SEMA6A: variants seen among roughly 807,000 people sequenced by gnomAD.
SEMA6A encodes semaphorin-6A.
In SEMA6A, 25 loss-of-function variants were observed where a neutral mutation model predicts 96.8. The observed-to-expected ratio is 0.26, with a 90% confidence interval of 0.19 to 0.36. The LOEUF (loss-of-function observed/expected upper bound fraction) is 0.36. Among genes scored for constraint, SEMA6A ranks in the 10% least tolerant of loss-of-function variants. The pLI, the probability that SEMA6A is intolerant of heterozygous loss-of-function variation, is 1.00. For missense variants in SEMA6A, 1,363 were observed against 1,323.1 expected (o/e 1.03, Z -0.47); for synonymous variants, 612 against 518.0 (o/e 1.18, Z -2.46).
chr5:116,559,895 A>C (rs984583612), intron 1 of SEMA6A, among the ~76,000 whole-genome samples: 14 of 152,152 alleles, frequency 9.2e-5, no homozygotes, highest in Non-Finnish European at 1.8e-4. Flanking sequence ...TATACTTCTA[A>C]AACACGGATC....
chr5:116,542,457 G>A (rs1052703372), intron 1 of SEMA6A, among the ~76,000 whole-genome samples: 6 of 151,894 alleles, frequency 4.0e-5, no homozygotes, highest in Non-Finnish European at 5.9e-5. Context: ...AAGGACCCTC[G>A]CTGTCCCTTT....
intron 1 of SEMA6A, 59 bp downstream of exon 1, chr5:116,574,126 C>T (rs1198509124): frequency 6.6e-6 from 1 of 151,826 alleles, no homozygotes; most frequent in Admixed American, 6.6e-5. Flanking sequence ...GCCCCGGGAC[C>T]CTCAGGCTGG....
chr5:116,470,164 T>C (rs1293635615), intron 17 of SEMA6A, among the ~76,000 whole-genome samples: 1 of 152,176 alleles, frequency 6.6e-6, no homozygotes, highest in Non-Finnish European at 1.5e-5. Context: ...GTCCTCAGTT[T>C]GAATTCAAAG....
Position 116,446,999 on chromosome 5 carries a change from G to C in SEMA6A, c.2707C>G (p.Arg903Gly), listed in dbSNP as rs758158214. ...ASLSQTGLSK[R>G]LEMHHSSSYG... is the part of the protein sequence containing the mutation. ...GAAGAGGAGTGGTGCATTTCCAGCC[G>C]CTTGCTTAGACCGGTCTGAGACAGG... Residue 903 changes from arginine (R) to glycine (G), a missense_variant, in exon 19 of 19, where the codon CGG becomes GGG. Physicochemically the swap from Arg to Gly is moderately radical, Grantham distance 125. Coordinates refer to ENST00000343348, the MANE Select transcript of SEMA6A (RefSeq NM_020796.5). The C allele has an allele frequency of 6.2e-7, 1 of 1,613,880 alleles. No homozygotes were observed. The highest frequency in any genetic ancestry group is 2.2e-5 in the East Asian group (1 of 44,828).
chr5:116,498,197 A>G (rs578235028), intron 3 of SEMA6A, among the ~76,000 whole-genome samples: 1 of 152,204 alleles, frequency 6.6e-6, no homozygotes, highest in Admixed American at 6.5e-5. Flanking sequence ...AACAGAGGAG[A>G]TGGGGGGCTA....
intron 7 of SEMA6A, among the ~76,000 whole-genome samples, chr5:116,491,142 G>A (rs1271563259): frequency 1.3e-5 from 2 of 152,130 alleles, no homozygotes; most frequent in African/African-American, 2.4e-5. Context: ...GGAAGCTTGG[G>A]GGTATGTGGC....
At chr5:116,540,009 G>C (rs1375328293) in intron 1 of SEMA6A, among the ~76,000 whole-genome samples, 3 of 151,922 alleles carry the variant, frequency 2.0e-5, no homozygotes, top group African/African-American at 7.3e-5. Flanking sequence ...TTTTCTGTTC[G>C]TTTTCCTTTC....
At chr5:116,474,486 A>T (rs1351585007) in intron 16 of SEMA6A, among the ~76,000 whole-genome samples, 3 of 152,210 alleles carry the variant, frequency 2.0e-5, no homozygotes, top group South Asian at 2.1e-4. Flanking sequence ...TGTGTGTAAG[A>T]CATAATAAGA....
chr5:116,536,866 TAAAAAAAAAA>T (rs72214884), intron 1 of SEMA6A, among the ~76,000 whole-genome samples: 85 of 69,522 alleles, frequency 1.2e-3, no homozygotes, highest in Non-Finnish European at 1.6e-3. Context: ...TGTGATTTCT[TAAAAAAAAAA>T]AAAAAAAAAA....
At chr5:116,459,916 T>C (rs1406187200) in intron 18 of SEMA6A, among the ~76,000 whole-genome samples, 1 of 152,186 alleles carries the variant, frequency 6.6e-6, no homozygotes, top group African/African-American at 2.4e-5. Flanking sequence ...GTTCAATTTC[T>C]GTTGAATGCA....
At chr5:116,486,505 C>A in intron 10 of SEMA6A, 1 of 435,694 alleles carries the variant, frequency 2.3e-6, no homozygotes, top group Non-Finnish European at 4.1e-6. Flanking sequence ...TGTTTATATA[C>A]CAGGCTTATA....
chr5:116,514,115 A>G (rs6883431), intron 1 of SEMA6A, among the ~76,000 whole-genome samples: 19,022 of 152,240 alleles, frequency 0.12, 1,390 homozygotes, highest in East Asian at 0.27. Context: ...GTGTCTTTAT[A>G]TCAGAACAAT....
At chr5:116,455,192 T>G (rs1754932852) in intron 18 of SEMA6A, among the ~76,000 whole-genome samples, 2 of 152,188 alleles carry the variant, frequency 1.3e-5, no homozygotes, top group South Asian at 2.1e-4. Context: ...AGTTCACTGT[T>G]CCTCCACTGC....
chr5:116,522,104 T>A (rs1758980581), intron 1 of SEMA6A, among the ~76,000 whole-genome samples: 1 of 152,200 alleles, frequency 6.6e-6, no homozygotes, highest in Admixed American at 6.5e-5. Flanking sequence ...TTTTTTAAAG[T>A]GTCGTGAATA....
At chr5:116,561,340 A>ATGACT (rs1760811237) in intron 1 of SEMA6A, among the ~76,000 whole-genome samples, 1 of 152,234 alleles carries the variant, frequency 6.6e-6, no homozygotes, top group Admixed American at 6.5e-5. Context: ...ATTTGGGGAA[A>ATGACT]CGTTATCTCC....
chr5:116,498,759 T>G (rs934677622), intron 3 of SEMA6A: 2 of 152,210 alleles, frequency 1.3e-5, no homozygotes, highest in Non-Finnish European at 2.9e-5. Context: ...GGTGCTGTGG[T>G]CAGACTCATT....
chr5:116,566,923 ACCT>A (rs1198049028), intron 1 of SEMA6A, among the ~76,000 whole-genome samples: 3 of 152,002 alleles, frequency 2.0e-5, no homozygotes, highest in Non-Finnish European at 4.4e-5. Context: ...CCTAGCCACA[ACCT>A]CCTCAAGGGT....
intron 10 of SEMA6A, among the ~76,000 whole-genome samples, chr5:116,484,625 G>GAA (rs199657241): frequency 1.4e-5 from 2 of 146,032 alleles, no homozygotes; most frequent in African/African-American, 5.0e-5. Flanking sequence ...TCCGTCTCAG[G>GAA]AAAAAAAAAA....
At chr5:116,485,613 C>T (rs1757012700) in intron 10 of SEMA6A, among the ~76,000 whole-genome samples, 1 of 152,138 alleles carries the variant, frequency 6.6e-6, no homozygotes. Flanking sequence ...GAAGTTTGCT[C>T]TGTTCTTAAG....
Sources: gnomAD v4.1 joint callset for allele counts (sites outside exome capture counted in the v4.1 genomes callset) on GRCh38, gnomAD v4.1.1 for gene constraint, MANE v1.5 for transcripts, NCBI Gene and HGNC (gene_info 2026-07-23, HGNC 2026-07-21) for gene names.